The following SPATS1 variants were observed in gnomAD, a reference collection of about 807,000 sequenced individuals.
SPATS1 encodes the protein spermatogenesis-associated serine-rich protein 1.
A neutral mutation model predicts 33.6 loss-of-function variants in SPATS1; 23 were observed. The ratio of observed to expected loss-of-function variants is 0.68; its 90% CI spans 0.49 to 0.97. The LOEUF (loss-of-function observed/expected upper bound fraction) is 0.97. SPATS1 is among the 50% of genes least tolerant of loss of function. SPATS1 has a pLI of 0.00. For missense variants in SPATS1, 327 were observed against 361.0 expected (o/e 0.91, Z 0.76); for synonymous variants, 131 against 125.6 (o/e 1.04, Z -0.29).
intron 5 of SPATS1, among the ~76,000 whole-genome samples, chr6:44,362,842 C>CT (rs35574093): frequency 1.7e-3 from 250 of 145,810 alleles, no homozygotes; most frequent in Non-Finnish European, 2.0e-3. Flanking sequence ...GCACCTTGCA[C>CT]TTTTTTTTTT....
chr6:44,379,797 CACAAAAAA>C lies in SPATS1; in HGVS notation c.*2745_*2752del, dbSNP rs1790124905. Among the ~76,000 whole-genome samples, 1 of 145,640 alleles carries C rather than the reference CACAAAAAA, an allele frequency of 6.9e-6. No individual in the cohort carries two copies. The highest frequency in any genetic ancestry group is 2.5e-5 in the African/African-American group (1 of 39,756). ...AAAAACCATGAGTAAAAAAAAAAAA[CACAAAAAA>C]ACAAAAAAACCCTACACAACTGTTA... On this transcript the variant is annotated 3_prime_UTR_variant, in exon 9 of 9. Transcript: ENST00000674044.
At position 44,376,360 on chromosome 6, in the gene SPATS1, T is replaced by C; in HGVS notation, c.761T>C (p.Leu254Ser). Reference sequence around the variant, plus strand: ...AGGGTGTTGTCTTCTTCCCACAGCTTGCCTTTCTGGGTGAAGGAGAAGGCC... The same window carrying C: ...AGGGTGTTGTCTTCTTCCCACAGCTCGCCTTTCTGGGTGAAGGAGAAGGCC... ...PLEPLPQIPN[L>S]PFWVKEKANS... Residue 254 changes from leucine (L) to serine (S), a missense_variant and splice_region_variant, in exon 8 of 9, where the codon TTG becomes TCG. Leu to Ser is a moderately radical substitution (Grantham distance 145, BLOSUM62 -2). Transcript: ENST00000674044. The C allele has an allele frequency of 1.2e-6, 2 of 1,610,346 alleles. No homozygotes were observed. The highest frequency in any genetic ancestry group is 1.7e-6 in the Non-Finnish European group (2 of 1,177,742).
At chr6:44,352,588 G>T (rs1788306271) in intron 2 of SPATS1, 138 bp from the exon 3 acceptor site, 1 of 723,832 alleles carries the variant, frequency 1.4e-6, no homozygotes. Context: ...GTGTAAAGGT[G>T]TTGACATAAT....
At chr6:44,354,312 C>T (rs916148332) in intron 3 of SPATS1, among the ~76,000 whole-genome samples, 7 of 151,070 alleles carry the variant, frequency 4.6e-5, no homozygotes, top group South Asian at 4.2e-4. Flanking sequence ...CCAGCCTAGG[C>T]GACAGAGTGA....
chr6:44,360,808 A>T lies in SPATS1; in HGVS notation c.412+238A>T, dbSNP rs995410722. On this transcript the variant is annotated intron_variant, in intron 4 of 8. Transcript: ENST00000674044. ...ATTAAAATAATATAGAAGTATATAG[A>T]GTATAAAAACTCCTTCCCCAATATT... is the stretch of plus-strand genomic sequence containing the variant. Among the ~76,000 whole-genome samples, 22 of 152,256 alleles carry T rather than the reference A, an allele frequency of 1.4e-4. 1 individual carries two copies.
intron 7 of SPATS1, among the ~76,000 whole-genome samples, chr6:44,370,501 T>C (rs1789538303): frequency 6.6e-6 from 1 of 152,218 alleles, no homozygotes; most frequent in Non-Finnish European, 1.5e-5. Flanking sequence ...GAAAGAAAGC[T>C]AACAGAGCAC....
intron 2 of SPATS1, among the ~76,000 whole-genome samples, chr6:44,349,996 C>A (rs1231562747): frequency 1.3e-5 from 2 of 152,198 alleles, no homozygotes; most frequent in African/African-American, 4.8e-5. Context: ...TCCTCATCCT[C>A]ACCTGCTGCT....
At chr6:44,355,549 A>G (rs1014908976) in intron 3 of SPATS1, among the ~76,000 whole-genome samples, 1 of 152,214 alleles carries the variant, frequency 6.6e-6, no homozygotes, top group African/African-American at 2.4e-5. Context: ...CTAACCAGTG[A>G]CCTATAGTTT....
chr6:44,359,598 A>G (rs1788782666), intron 3 of SPATS1, among the ~76,000 whole-genome samples: 1 of 151,882 alleles, frequency 6.6e-6, no homozygotes, highest in Non-Finnish European at 1.5e-5. Flanking sequence ...TTTTTTTGAG[A>G]CAGGATCTCA....
At chr6:44,365,443 A>C (rs1218982468) in intron 5 of SPATS1, among the ~76,000 whole-genome samples, 1 of 152,208 alleles carries the variant, frequency 6.6e-6, no homozygotes, top group Non-Finnish European at 1.5e-5. Context: ...CTTAAGCACT[A>C]AAGTTTGCTC....
At chr6:44,368,654 G>A (rs1189313862) in intron 6 of SPATS1, among the ~76,000 whole-genome samples, 155 bp downstream of exon 6, 2 of 152,198 alleles carry the variant, frequency 1.3e-5, no homozygotes, top group Non-Finnish European at 2.9e-5. Flanking sequence ...ATTAATGTCT[G>A]CACACATGCA....
chr6:44,362,068 C>A, intron 5 of SPATS1, 76 bp downstream of exon 5: 1 of 1,574,790 alleles, frequency 6.4e-7, no homozygotes. Context: ...GCCCTGCATT[C>A]TGTAGCTGGG....
At chr6:44,356,939 T>TC (rs1788624697) in intron 3 of SPATS1, among the ~76,000 whole-genome samples, 1 of 152,126 alleles carries the variant, frequency 6.6e-6, no homozygotes, top group African/African-American at 2.4e-5. Flanking sequence ...CCTGCTACAC[T>TC]CTCCTAAGTG....
chr6:44,361,302 C>A, intron 4 of SPATS1: 1 of 983,352 alleles, frequency 1.0e-6, no homozygotes, highest in Non-Finnish European at 1.2e-6. Flanking sequence ...CAGAAACTAG[C>A]CTGGGGTCTC....
chr6:44,362,842 CTT>C (rs35574093), intron 5 of SPATS1, among the ~76,000 whole-genome samples: 2 of 145,912 alleles, frequency 1.4e-5, no homozygotes, highest in Non-Finnish European at 1.5e-5. Context: ...GCACCTTGCA[CTT>C]TTTTTTTTTT....
At chr6:44,342,800 C>T (rs1226031628) in intron 1 of SPATS1, 32 bp downstream of exon 1, 4 of 672,798 alleles carry the variant, frequency 5.9e-6, no homozygotes, top group Non-Finnish European at 9.8e-6. Flanking sequence ...CAGACCCGGG[C>T]CTCCCCTGGG....
At chr6:44,345,680 T>C (rs1583075574) in intron 2 of SPATS1, among the ~76,000 whole-genome samples, 1 of 152,212 alleles carries the variant, frequency 6.6e-6, no homozygotes, top group Non-Finnish European at 1.5e-5. Context: ...AGAACTCACA[T>C]GCAATTATTG....
At chr6:44,368,921 G>C (rs916809027) in intron 6 of SPATS1, among the ~76,000 whole-genome samples, 34 of 146,724 alleles carry the variant, frequency 2.3e-4, no homozygotes, top group African/African-American at 8.0e-4. Context: ...TTTTGAGACG[G>C]AGTCTCGCTC....
At chr6:44,362,609 C>T (rs1353430256) in intron 5 of SPATS1, among the ~76,000 whole-genome samples, 1 of 152,182 alleles carries the variant, frequency 6.6e-6, no homozygotes. Context: ...GTGTAGGAGG[C>T]AACCATTGCT....
Sources: allele counts gnomAD v4.1 joint callset (sites outside exome capture counted in the v4.1 genomes callset), GRCh38; gene constraint gnomAD v4.1.1; transcripts MANE v1.5; gene names NCBI Gene and HGNC (gene_info 2026-07-23, HGNC 2026-07-21).